The following EFNA5 variants were observed in gnomAD, a reference collection of about 807,000 sequenced individuals.
EFNA5 encodes ephrin A5, also known as ephrin-A5.
In EFNA5, 5 loss-of-function variants were observed where a neutral mutation model predicts 22.9. That is an observed-to-expected ratio of 0.22 (90% confidence interval 0.11 to 0.46). The LOEUF is 0.46. Among genes scored for constraint, EFNA5 ranks in the 20% least tolerant of loss-of-function variants. EFNA5 has a pLI of 0.99. For synonymous variants in EFNA5, 113 were observed against 112.2 expected (o/e 1.01, Z -0.04); for missense variants, 237 against 293.3 (o/e 0.81, Z 1.40).
intron 1 of EFNA5, among the ~76,000 whole-genome samples, chr5:107,509,137 C>A (rs762545989): frequency 1.3e-5 from 2 of 152,216 alleles, no homozygotes; most frequent in African/African-American, 2.4e-5. Flanking sequence ...TGGTGACTAG[C>A]GTGACATGTT....
chr5:107,450,113 G>A (rs1749520085), intron 1 of EFNA5, among the ~76,000 whole-genome samples: 1 of 152,188 alleles, frequency 6.6e-6, no homozygotes. Context: ...AGAAAGCCGT[G>A]AAATATTTAT....
intron 1 of EFNA5, among the ~76,000 whole-genome samples, chr5:107,467,264 T>A (rs1410073864): frequency 6.6e-6 from 1 of 152,110 alleles, no homozygotes; most frequent in African/African-American, 2.4e-5. Context: ...TATGTGGATA[T>A]GGCATTAACA....
chr5:107,665,541 A>G (rs992348213), intron 1 of EFNA5, among the ~76,000 whole-genome samples: 6 of 152,250 alleles, frequency 3.9e-5, no homozygotes, highest in Non-Finnish European at 5.9e-5. Context: ...GTAATAAACT[A>G]CTGAAGACTC....
In EFNA5 at chr5:107,385,171, T is replaced by C. The variant is rs143321818; in HGVS notation, c.565+2064A>G. Among the ~76,000 whole-genome samples, 1,397 of 152,262 alleles carry C rather than the reference T, an allele frequency of 9.2e-3. 21 individuals carry two copies. The highest frequency in any genetic ancestry group is 0.027 in the African/African-American group (1,141 of 41,538). On this transcript the variant is annotated intron_variant, in intron 4 of 4. Coordinates refer to ENST00000333274, the MANE Select transcript of EFNA5 (RefSeq NM_001962.3). ...ATTTTGGGCCATTGTGCATTTTAAA[T>C]GCTTAGTGAAAAAAAACCTTGTTTC...
chr5:107,637,662 C>T (rs1580574086), intron 1 of EFNA5, among the ~76,000 whole-genome samples: 1 of 148,604 alleles, frequency 6.7e-6, no homozygotes, highest in Non-Finnish European at 1.5e-5. Flanking sequence ...TATACATAAA[C>T]TGATTATATA....
intron 1 of EFNA5, among the ~76,000 whole-genome samples, chr5:107,635,195 T>G (rs1452970217): frequency 6.6e-6 from 1 of 152,242 alleles, no homozygotes; most frequent in Non-Finnish European, 1.5e-5. Context: ...CGCATCCATA[T>G]GATTTAGCAA....
At chr5:107,418,859 A>G (rs1312910242) in intron 2 of EFNA5, among the ~76,000 whole-genome samples, 3 of 152,214 alleles carry the variant, frequency 2.0e-5, no homozygotes, top group Non-Finnish European at 4.4e-5. Flanking sequence ...CAGACCTGGC[A>G]TTAATTTCTC....
intron 2 of EFNA5, among the ~76,000 whole-genome samples, chr5:107,412,316 T>C (rs1748389698): frequency 6.6e-6 from 1 of 152,180 alleles, no homozygotes; most frequent in Non-Finnish European, 1.5e-5. Flanking sequence ...TTTCCTCAAA[T>C]GAATTGCCAA....
intron 1 of EFNA5, among the ~76,000 whole-genome samples, chr5:107,539,343 A>G (rs898601282): frequency 2.0e-5 from 3 of 152,238 alleles, no homozygotes; most frequent in African/African-American, 7.2e-5. Flanking sequence ...GCAATGGAAA[A>G]TACTAGCTGT....
chr5:107,534,857 A>T (rs1747896535), intron 1 of EFNA5, among the ~76,000 whole-genome samples: 1 of 152,358 alleles, frequency 6.6e-6, no homozygotes, highest in Non-Finnish European at 1.5e-5. Context: ...TACAAAGGAA[A>T]ATAGTATATC....
chr5:107,558,815 T>C (rs978870068), intron 1 of EFNA5, among the ~76,000 whole-genome samples: 9 of 152,230 alleles, frequency 5.9e-5, no homozygotes, highest in Non-Finnish European at 5.9e-5. Context: ...TGTTTAAACA[T>C]ATAGCTTTGC....
At chr5:107,480,911 A>G (rs1057201225) in intron 1 of EFNA5, among the ~76,000 whole-genome samples, 4 of 152,208 alleles carry the variant, frequency 2.6e-5, no homozygotes, top group Non-Finnish European at 4.4e-5. Context: ...CTGAACAAAG[A>G]GACAGCTTTA....
chr5:107,465,708 C>T (rs1320726097), intron 1 of EFNA5, among the ~76,000 whole-genome samples: 1 of 152,096 alleles, frequency 6.6e-6, no homozygotes, highest in East Asian at 1.9e-4. Context: ...TTTGTTCAAT[C>T]TCTGGCTAGT....
chr5:107,655,675 T>A (rs901180650), intron 1 of EFNA5, among the ~76,000 whole-genome samples: 3 of 152,156 alleles, frequency 2.0e-5, no homozygotes, highest in East Asian at 1.9e-4. Flanking sequence ...GGAAATTTTT[T>A]AACAAGTAAC....
At chr5:107,434,417 C>T (rs907727084) in intron 1 of EFNA5, among the ~76,000 whole-genome samples, 2 of 152,208 alleles carry the variant, frequency 1.3e-5, no homozygotes, top group East Asian at 3.9e-4. Flanking sequence ...TGCAGAGGAG[C>T]AGCACCATAA....
intron 1 of EFNA5, among the ~76,000 whole-genome samples, chr5:107,540,963 C>T (rs1280996312): frequency 6.6e-6 from 1 of 152,066 alleles, no homozygotes; most frequent in African/African-American, 2.4e-5. Flanking sequence ...AAAAATTAGC[C>T]GGGCATGGTG....
chr5:107,513,262 G>A (rs772873137), intron 1 of EFNA5, among the ~76,000 whole-genome samples: 1 of 150,510 alleles, frequency 6.6e-6, no homozygotes, highest in South Asian at 2.1e-4. Flanking sequence ...GAGGGAGAGG[G>A]AGAGAGAGAG....
rs1580579733 is a variant in EFNA5, at chr5:107,646,283, T to C, written c.125+24206A>G. On this transcript the variant is annotated intron_variant, in intron 1 of 4. Transcript: ENST00000333274. ...CTGACTTCCTTGACTATGGTAATTA[T>C]TTCACTCTGTATATCAAAACATGAT... 2.6e-5 allele frequency among the ~76,000 whole-genome samples: 4 copies of C among 152,304 alleles called. No homozygotes were observed. The South Asian group carries it at 8.3e-4, about 32-fold the overall frequency.
chr5:107,666,576 T>C (rs930077861), intron 1 of EFNA5, among the ~76,000 whole-genome samples: 2 of 152,156 alleles, frequency 1.3e-5, no homozygotes, highest in African/African-American at 4.8e-5. Context: ...CTTACACAGA[T>C]ATTTTCCTCT....
Sources: allele counts gnomAD v4.1 joint callset (sites outside exome capture counted in the v4.1 genomes callset), GRCh38; gene constraint gnomAD v4.1.1; transcripts MANE v1.5; gene names NCBI Gene and HGNC (gene_info 2026-07-23, HGNC 2026-07-21).